The following COL14A1 variants were observed in gnomAD, a reference collection of about 807,000 sequenced individuals.
COL14A1 encodes collagen type XIV alpha 1 chain, also known as collagen alpha-1(XIV) chain.
A neutral mutation model predicts 230.3 loss-of-function variants in COL14A1; 136 were observed. That is an observed-to-expected ratio of 0.59 (90% confidence interval 0.51 to 0.68). COL14A1 has a LOEUF of 0.68. Among genes scored for constraint, COL14A1 ranks in the 30% least tolerant of loss-of-function variants. The pLI, the probability that COL14A1 is intolerant of heterozygous loss-of-function variation, is 0.00. For synonymous variants in COL14A1, 792 were observed against 784.1 expected (o/e 1.01, Z -0.17); for missense variants, 1,976 against 2,215.8 (o/e 0.89, Z 2.17).
chr8:120,192,545 A>G (rs1387560606), intron 5 of COL14A1, among the ~76,000 whole-genome samples: 1 of 151,940 alleles, frequency 6.6e-6, no homozygotes, highest in Non-Finnish European at 1.5e-5. Context: ...CTTCTCGAGG[A>G]GTATCTTTGT....
rs202201394 is a variant in COL14A1 at position 120,332,167 on chromosome 8, G to A, written c.4686G>A (p.Ser1562=). 3.3e-4 allele frequency: 533 copies of A among 1,614,002 alleles called. 4 individuals carry two copies. Among genetic ancestry groups the A allele is most frequent in the South Asian group, 2.0e-3 (185 of 91,062 alleles). Reference sequence around the variant, plus strand: ...GCCTTCCGGGAAAGGATGGATCCTCGGGACCTCCAGGACCACCAGGGCCAA... The same window carrying A: ...GCCTTCCGGGAAAGGATGGATCCTCAGGACCTCCAGGACCACCAGGGCCAA... ...QRGLPGKDGS[S]GPPGPPGPIG... The change falls in exon 41 of 48, where the codon TCG becomes TCA. Residue 1562 remains serine (S), a synonymous_variant. Coordinates refer to ENST00000297848, the MANE Select transcript of COL14A1 (RefSeq NM_021110.4).
intron 14 of COL14A1, among the ~76,000 whole-genome samples, chr8:120,216,756 C>G (rs151183745): frequency 6.6e-6 from 1 of 152,224 alleles, no homozygotes; most frequent in African/African-American, 2.4e-5. Flanking sequence ...GGTGCCTGGT[C>G]TGGGGAGCCT....
intron 22 of COL14A1, among the ~76,000 whole-genome samples, chr8:120,252,111 C>T (rs891450327): frequency 6.6e-6 from 1 of 152,094 alleles, no homozygotes; most frequent in Non-Finnish European, 1.5e-5. Context: ...GTGTAATGAT[C>T]ACCACAATCA....
At chr8:120,176,730 A>T (rs150869321) in intron 5 of COL14A1, among the ~76,000 whole-genome samples, 312 of 152,248 alleles carry the variant, frequency 2.0e-3, no homozygotes, top group African/African-American at 7.1e-3. Flanking sequence ...CATAAACAGG[A>T]CATTGGGGTT....
intron 20 of COL14A1, 43 bp from the exon 21 acceptor site, chr8:120,247,569 GA>G (rs763267993): frequency 6.3e-7 from 1 of 1,585,414 alleles, no homozygotes; most frequent in Non-Finnish European, 8.6e-7. Flanking sequence ...CATAAAGAAG[GA>G]AATTACACTG....
At chr8:120,335,093 G>A (rs539750279) in intron 42 of COL14A1, among the ~76,000 whole-genome samples, 1 of 152,112 alleles carries the variant, frequency 6.6e-6, no homozygotes, top group Non-Finnish European at 1.5e-5. Flanking sequence ...GAGGGAATGG[G>A]GAAGAAGGAA....
intron 42 of COL14A1, among the ~76,000 whole-genome samples, chr8:120,336,302 A>G (rs899359224): frequency 6.6e-5 from 10 of 152,230 alleles, no homozygotes; most frequent in East Asian, 1.9e-4. Context: ...AGGAGCATTT[A>G]GATGAGATCT....
At chr8:120,164,004 T>G (rs1444550154) in intron 4 of COL14A1, among the ~76,000 whole-genome samples, 1 of 152,090 alleles carries the variant, frequency 6.6e-6, no homozygotes, top group Non-Finnish European at 1.5e-5. Flanking sequence ...GTTTCAAATG[T>G]GAAGGATAAA....
rs760836658 is a variant in COL14A1 at position 120,162,540 on chromosome 8, A to C, written c.320A>C (p.Glu107Ala). 37 of 1,608,512 alleles carry C rather than the reference A, an allele frequency of 2.3e-5. No individual in the cohort carries two copies. The Admixed American group carries it at 6.1e-4, about 26-fold the overall frequency. Residue 107 changes from glutamate (E) to alanine (A), a missense_variant, in exon 4 of 48, where the codon GAA becomes GCA. This residue lies in a region of COL14A1 where 181 missense variants were observed against 178.6 expected (regional missense o/e 1.01). Coordinates refer to ENST00000297848, the MANE Select transcript of COL14A1 (RefSeq NM_021110.4). Reference sequence around the variant, plus strand: ...ATTATTGCATACAATAAAGATAAAGAAAGCAAGCCAGCTCAAGGCCAATTC... The same window carrying C: ...ATTATTGCATACAATAAAGATAAAGCAAGCAAGCCAGCTCAAGGCCAATTC... ...VQIIAYNKDKESKPAQGQFRI... is the reference protein window; with the variant it reads ...VQIIAYNKDKASKPAQGQFRI...
intron 19 of COL14A1, chr8:120,231,849 TG>T: frequency 2.1e-6 from 1 of 472,976 alleles, no homozygotes. Context: ...CTCTGAACAT[TG>T]TTTCAAATAT....
At chr8:120,327,377 A>G (rs1014941912) in intron 40 of COL14A1, among the ~76,000 whole-genome samples, 1 of 152,196 alleles carries the variant, frequency 6.6e-6, no homozygotes, top group African/African-American at 2.4e-5. Context: ...TTCACACTCC[A>G]GAGCTCCCCA....
At position 120,158,195 on chromosome 8, in the gene COL14A1, G is replaced by T; in HGVS notation, c.154G>T (p.Ala52Ser). The change falls in exon 3 of 48, where the codon GCT becomes TCT. Residue 52 changes from alanine to serine, a missense_variant. Coordinates refer to ENST00000297848, the MANE Select transcript of COL14A1 (RefSeq NM_021110.4). ...TGACAGTATACAGATTTCATGGAAG[G>T]CTCCAAGAGGGAAATTTGGTGGTTA... ...SHDSIQISWK[A>S]PRGKFGGYKL... 1 of 1,610,712 alleles carries T rather than the reference G, an allele frequency of 6.2e-7. No individual in the cohort carries two copies. The highest frequency in any genetic ancestry group is 8.5e-7 in the Non-Finnish European group (1 of 1,177,880).
Position 120,252,206 on chromosome 8 carries a change from A to G in COL14A1, c.2752+1440A>G, listed in dbSNP as rs566641107. On this transcript the variant is annotated intron_variant, in intron 22 of 47. Transcript: ENST00000297848. ...TTATTTTATTTATTTTAAAAACTTC[A>G]ATATCCCTTAGGGTACAAGGGGTTT... Among the ~76,000 whole-genome samples, 4 of 152,298 alleles carry G rather than the reference A, an allele frequency of 2.6e-5. No individual in the cohort carries two copies. The East Asian group carries it at 7.7e-4, about 29-fold the overall frequency.
intron 21 of COL14A1, among the ~76,000 whole-genome samples, chr8:120,249,482 G>C (rs753646083): frequency 6.6e-6 from 1 of 152,152 alleles, no homozygotes; most frequent in Non-Finnish European, 1.5e-5. Flanking sequence ...GGAAGCATGC[G>C]TTAATTTGTA....
chr8:120,162,695 C>A, intron 4 of COL14A1, 126 bp downstream of exon 4: 1 of 767,366 alleles, frequency 1.3e-6, no homozygotes, highest in Non-Finnish European at 1.9e-6. Flanking sequence ...CCTAGAAGAC[C>A]TTCAGTCTTA....
intron 21 of COL14A1, among the ~76,000 whole-genome samples, chr8:120,250,094 C>G (rs1002658839): frequency 6.6e-6 from 1 of 151,990 alleles, no homozygotes; most frequent in South Asian, 2.1e-4. Flanking sequence ...TAATCAAGGG[C>G]CTTGGAATAA....
At chr8:120,182,237 C>A (rs1005569171) in intron 5 of COL14A1, among the ~76,000 whole-genome samples, 1 of 152,132 alleles carries the variant, frequency 6.6e-6, no homozygotes, top group Non-Finnish European at 1.5e-5. Flanking sequence ...CAATCAGATA[C>A]CTTACAGCTA....
chr8:120,240,320 C>T (rs1212208035), intron 19 of COL14A1, among the ~76,000 whole-genome samples: 1 of 152,028 alleles, frequency 6.6e-6, no homozygotes, highest in East Asian at 1.9e-4. Context: ...CTCAGGGACT[C>T]ACCTGAGGGT....
chr8:120,159,783 C>CGA (rs1815600247), intron 3 of COL14A1, among the ~76,000 whole-genome samples: 1 of 152,140 alleles, frequency 6.6e-6, no homozygotes, highest in Non-Finnish European at 1.5e-5. Context: ...CCTCTGCCTT[C>CGA]TAGGTTCAAG....
Sources: allele counts gnomAD v4.1 joint callset (sites outside exome capture counted in the v4.1 genomes callset), GRCh38; gene constraint gnomAD v4.1.1; regional missense constraint gnomAD v4.1.1; transcripts MANE v1.5; gene names NCBI Gene and HGNC (gene_info 2026-07-23, HGNC 2026-07-21).